Variants in SEMA5A observed in about 807,000 individuals in gnomAD.
The protein encoded by SEMA5A is semaphorin 5A.
A neutral mutation model predicts 135.5 loss-of-function variants in SEMA5A; 55 were observed. The observed-to-expected ratio is 0.41, with a 90% CI of 0.33 to 0.51. The LOEUF is 0.51. SEMA5A is among the 20% of genes least tolerant of loss of function. The pLI, the probability that SEMA5A is intolerant of heterozygous loss-of-function variation, is 0.37. For missense variants in SEMA5A, 1,290 were observed against 1,419.9 expected (o/e 0.91, Z 1.47); for synonymous variants, 580 against 546.5 (o/e 1.06, Z -0.85).
At position 9,035,959 on chromosome 5, in the gene SEMA5A, CAAAAAAAA is replaced by C. The variant is rs367901928; in HGVS notation, c.*6930_*6937del. On this transcript the variant is annotated 3_prime_UTR_variant, in exon 23 of 23. Transcript: ENST00000382496. ...TGAAATTGGCTTTGGAGGAGTTTCA[CAAAAAAAA>C]AAAAAAAAAAAAATCTCAAGTTTAT... The C allele has an allele frequency of 8.8e-6, 1 of 113,384 alleles. No individual in the cohort carries two copies. The highest frequency in any genetic ancestry group is 3.4e-5 in the African/African-American group (1 of 29,502). 7.0% of individuals were successfully genotyped at this position (113,384 alleles called of 1,614,324 possible). A position where few individuals can be genotyped will look rare whatever the true frequency, so the allele number is the denominator to read the frequency against.
At chr5:9,368,903 A>G (rs531636467) in intron 3 of SEMA5A, among the ~76,000 whole-genome samples, 1 of 152,314 alleles carries the variant, frequency 6.6e-6, no homozygotes, top group South Asian at 2.1e-4. Flanking sequence ...TACTGTTGGG[A>G]AAATACCTAG....
rs1553998808 is a variant in SEMA5A at position 9,182,152 on chromosome 5, C to CCT, written c.1273+8114_1273+8115insAG. Among the ~76,000 whole-genome samples, 31 of 127,510 alleles carry CCT rather than the reference C, an allele frequency of 2.4e-4. 1 individual carries two copies. In the South Asian group the frequency reaches 7.7e-3, roughly 32 times the overall value. 83.7% of individuals were successfully genotyped at this position (127,510 alleles called of 152,430 possible). On this transcript the variant is annotated intron_variant, in intron 11 of 22. Coordinates refer to ENST00000382496, the MANE Select transcript of SEMA5A (RefSeq NM_003966.3). ...AACTGCTTGTTTTATTGCTTCTGCC[C>CCT]CCCACCCCAAAAAAAAATACGCTTC...
intron 5 of SEMA5A, among the ~76,000 whole-genome samples, chr5:9,305,684 AGT>A (rs1305293678): frequency 9.3e-4 from 128 of 137,402 alleles, no homozygotes; most frequent in African/African-American, 3.2e-3. Flanking sequence ...CTCAATATAC[AGT>A]ATATATACTG....
rs182010700 is a variant in SEMA5A, at chr5:9,146,530, A to G, written c.1481+7958T>C. Among the ~76,000 whole-genome samples, 171 of 152,344 alleles carry G rather than the reference A, an allele frequency of 1.1e-3. 1 individual carries two copies. Among genetic ancestry groups the G allele is most frequent in the African/African-American group, 3.9e-3 (161 of 41,584 alleles). ...TATGATACAGATATAGCTTTAAAAA[A>G]TAATTGGAGAGGAACATTAGGTGAG... is the stretch of plus-strand genomic sequence containing the variant. On this transcript the variant is annotated intron_variant, in intron 12 of 22. Coordinates refer to ENST00000382496, the MANE Select transcript of SEMA5A (RefSeq NM_003966.3).
intron 1 of SEMA5A, among the ~76,000 whole-genome samples, chr5:9,480,317 G>T (rs1349743322): frequency 2.0e-5 from 3 of 152,158 alleles, no homozygotes; most frequent in Non-Finnish European, 4.4e-5. Flanking sequence ...AAGCTGTTTT[G>T]AAGGCTTAGC....
At position 9,309,402 on chromosome 5, in the gene SEMA5A, GC is replaced by G. The variant is rs1236896968; in HGVS notation, c.270+8969del. Among the ~76,000 whole-genome samples the G allele has an allele frequency of 6.6e-5, 10 of 152,206 alleles. No individual in the cohort carries two copies. In the South Asian group the frequency reaches 8.3e-4, roughly 13 times the overall value. Reference sequence around the variant, plus strand: ...TGCTAATATCTGTCAATGTCTGAATGCATACAAACCACATATCCCAACCTGC... The same window carrying G: ...TGCTAATATCTGTCAATGTCTGAATGATACAAACCACATATCCCAACCTGC... On this transcript the variant is annotated intron_variant, in intron 5 of 22. Transcript: ENST00000382496.
At chr5:9,063,979 G>A (rs1409483382) in intron 17 of SEMA5A, among the ~76,000 whole-genome samples, 2 of 152,188 alleles carry the variant, frequency 1.3e-5, no homozygotes, top group African/African-American at 2.4e-5. Context: ...TAGGCAATGT[G>A]ACACAAGCTT....
At chr5:9,116,677 G>C (rs962553224) in intron 15 of SEMA5A, among the ~76,000 whole-genome samples, 1 of 152,294 alleles carries the variant, frequency 6.6e-6, no homozygotes, top group African/African-American at 2.4e-5. Flanking sequence ...AGGATTTCTT[G>C]AGGGTTGATG....
chr5:9,465,160 C>A (rs1759210594), intron 1 of SEMA5A, among the ~76,000 whole-genome samples: 1 of 152,190 alleles, frequency 6.6e-6, no homozygotes, highest in Non-Finnish European at 1.5e-5. Flanking sequence ...GAATCAGGAC[C>A]TCTGGGTATG....
intron 2 of SEMA5A, among the ~76,000 whole-genome samples, chr5:9,435,053 C>A (rs183241481): frequency 7.7e-4 from 117 of 152,256 alleles, no homozygotes; most frequent in Non-Finnish European, 6.3e-4. Context: ...TTTAAAAAAT[C>A]ATACCACAAT....
intron 1 of SEMA5A, among the ~76,000 whole-genome samples, chr5:9,496,297 G>A (rs11750410): frequency 0.29 from 44,084 of 151,994 alleles, 6,769 homozygotes; most frequent in East Asian, 0.54. Context: ...TGTCCACCTC[G>A]GCCTCCCAAA....
intron 16 of SEMA5A, among the ~76,000 whole-genome samples, chr5:9,079,483 A>T (rs1030025466): frequency 6.6e-6 from 1 of 152,082 alleles, no homozygotes; most frequent in Non-Finnish European, 1.5e-5. Context: ...TTGACATTCT[A>T]ACATCACAAT....
intron 20 of SEMA5A, among the ~76,000 whole-genome samples, chr5:9,051,615 C>G (rs1028099101): frequency 2.6e-5 from 4 of 152,142 alleles, no homozygotes; most frequent in Admixed American, 6.5e-5. Context: ...TTTTTTTGAG[C>G]AAAGTCTTCT....
At position 9,204,148 on chromosome 5, in the gene SEMA5A, G is replaced by C. The variant is rs901518054; in HGVS notation, c.647-1908C>G. ...TCTAAATTATTTTGGAATGGGTCCTGCACCCTGGCTAAACAAAACTAGAGT... is the reference window on the plus strand; with the variant it reads ...TCTAAATTATTTTGGAATGGGTCCTCCACCCTGGCTAAACAAAACTAGAGT... On this transcript the variant is annotated intron_variant, in intron 8 of 22. Coordinates refer to ENST00000382496, the MANE Select transcript of SEMA5A (RefSeq NM_003966.3). This position sits in a 1 kb window ranked among gnomAD's most constrained non-coding sequence, Gnocchi z 6.4. Among the ~76,000 whole-genome samples, 3 of 152,108 alleles carry C rather than the reference G, an allele frequency of 2.0e-5. No individual in the cohort carries two copies. The highest frequency in any genetic ancestry group is 4.4e-5 in the Non-Finnish European group (3 of 68,018).
At chr5:9,327,075 A>T (rs1174339524) in intron 4 of SEMA5A, among the ~76,000 whole-genome samples, 1 of 152,006 alleles carries the variant, frequency 6.6e-6, no homozygotes, top group Admixed American at 6.6e-5. Context: ...TATTTTTTTC[A>T]TGGGTTTCTC....
At chr5:9,259,158 C>A (rs1749262213) in intron 5 of SEMA5A, among the ~76,000 whole-genome samples, 1 of 152,168 alleles carries the variant, frequency 6.6e-6, no homozygotes, top group African/African-American at 2.4e-5. Context: ...TAATCCCATT[C>A]TAATTCTTTT....
At chr5:9,286,853 T>C (rs977954106) in intron 5 of SEMA5A, among the ~76,000 whole-genome samples, 10 of 152,256 alleles carry the variant, frequency 6.6e-5, no homozygotes, top group African/African-American at 1.9e-4. Flanking sequence ...AGTGATAAGA[T>C]AGCTGAGAGT....
intron 4 of SEMA5A, among the ~76,000 whole-genome samples, chr5:9,319,404 G>A (rs189192449): frequency 2.0e-5 from 3 of 152,118 alleles, no homozygotes; most frequent in Admixed American, 2.0e-4. Context: ...TTTCAACAAA[G>A]AAGGGGAAGA....
chr5:9,234,212 T>C (rs1747785847), intron 6 of SEMA5A, among the ~76,000 whole-genome samples: 1 of 152,156 alleles, frequency 6.6e-6, no homozygotes, highest in Non-Finnish European at 1.5e-5. Flanking sequence ...AAATGTGGGT[T>C]GTCTGAATTC....
Sources: gnomAD v4.1 joint callset for allele counts (sites outside exome capture counted in the v4.1 genomes callset) on GRCh38, gnomAD v4.1.1 for gene constraint, Gnocchi (gnomAD v3.1) non-coding constraint, MANE v1.5 for transcripts, NCBI Gene and HGNC (gene_info 2026-07-23, HGNC 2026-07-21) for gene names.